Variants in CAMK4 observed in about 807,000 individuals in gnomAD.
The protein encoded by CAMK4 is calcium/calmodulin-dependent protein kinase type IV.
CAMK4 carries 22 observed loss-of-function variants against 44.9 expected under a neutral mutation model. That is an observed-to-expected ratio of 0.49 (90% confidence interval 0.35 to 0.70). The LOEUF is 0.70. CAMK4 is among the 30% of genes least tolerant of loss of function. The pLI, the probability that CAMK4 is intolerant of heterozygous loss-of-function variation, is 0.01. For synonymous variants in CAMK4, 218 were observed against 215.4 expected, an observed-to-expected ratio of 1.01 and a Z score of -0.11; for missense variants, 498 against 586.8, an observed-to-expected ratio of 0.85 and a Z score of 1.56.
chr5:111,494,304 C>G lies in CAMK4; in HGVS notation c.*9838C>G, dbSNP rs759123198. On this transcript the variant is annotated 3_prime_UTR_variant, in exon 11 of 11. Transcript: ENST00000282356. ...AATTTGAAGAGCACTGAAAATGGAGCTGTGAACACTTCATTTTTAAAACCT... is the reference window on the plus strand; with the variant it reads ...AATTTGAAGAGCACTGAAAATGGAGGTGTGAACACTTCATTTTTAAAACCT... 7.2e-5 allele frequency: 11 copies of G among 152,174 alleles called. No homozygotes were observed. Among genetic ancestry groups the G allele is most frequent in the Non-Finnish European group, 1.3e-4 (9 of 68,020 alleles). The allele number at this position is 152,174 out of a possible 1,614,324, so 9.4% of individuals were successfully genotyped here. A position where few individuals can be genotyped will look rare whatever the true frequency, so the allele number is the denominator to read the frequency against.
intron 5 of CAMK4, among the ~76,000 whole-genome samples, chr5:111,422,574 G>A (rs148437682): frequency 4.6e-4 from 70 of 152,238 alleles, no homozygotes; most frequent in African/African-American, 1.7e-3. Context: ...AGTCTTGTGG[G>A]ATTTTGATAA....
At chr5:111,266,899 GC>G (rs1750271528) in intron 1 of CAMK4, among the ~76,000 whole-genome samples, 1 of 152,212 alleles carries the variant, frequency 6.6e-6, no homozygotes, top group Non-Finnish European at 1.5e-5. Context: ...TGGTTTCTAT[GC>G]TATAACAGCC....
At chr5:111,395,752 AG>A (rs557685894) in intron 5 of CAMK4, among the ~76,000 whole-genome samples, 11 of 152,178 alleles carry the variant, frequency 7.2e-5, no homozygotes, top group Non-Finnish European at 1.6e-4. Flanking sequence ...ACTGACTAAA[AG>A]CTTCCCATGT....
chr5:111,435,403 T>G (rs1026371656), intron 5 of CAMK4, among the ~76,000 whole-genome samples: 1 of 152,144 alleles, frequency 6.6e-6, no homozygotes, highest in Non-Finnish European at 1.5e-5. Flanking sequence ...AAGTATATAC[T>G]GTCATCTAAA....
chr5:111,312,963 A>G (rs1002503096), intron 1 of CAMK4, among the ~76,000 whole-genome samples: 1 of 152,110 alleles, frequency 6.6e-6, no homozygotes, highest in African/African-American at 2.4e-5. Context: ...TTAACTTAAA[A>G]CAACTTTAAC....
At chr5:111,404,128 A>G (rs1441145947) in intron 5 of CAMK4, among the ~76,000 whole-genome samples, 3 of 152,220 alleles carry the variant, frequency 2.0e-5, no homozygotes, top group Non-Finnish European at 2.9e-5. Context: ...TTGGCTAAGC[A>G]TACATATTTA....
chr5:111,383,935 A>C (rs1479349298), intron 4 of CAMK4, among the ~76,000 whole-genome samples: 4 of 152,202 alleles, frequency 2.6e-5, no homozygotes, highest in Non-Finnish European at 5.9e-5. Flanking sequence ...TGACTTTATA[A>C]GGAATTTCCA....
At position 111,354,030 on chromosome 5, in the gene CAMK4, C is replaced by G. The variant is rs558754115; in HGVS notation, c.240+9928C>G. ...ACTGCTATTTCATTATAGCGTTATTCACAACAGCTAAGATGAGGAAACAGC... is the reference window on the plus strand; with the variant it reads ...ACTGCTATTTCATTATAGCGTTATTGACAACAGCTAAGATGAGGAAACAGC... On this transcript the variant is annotated intron_variant, in intron 2 of 10. Coordinates refer to ENST00000282356, the MANE Select transcript of CAMK4 (RefSeq NM_001744.6). Among the ~76,000 whole-genome samples the G allele has an allele frequency of 2.6e-5, 4 of 152,110 alleles. No individual in the cohort carries two copies. In the South Asian group the frequency reaches 6.2e-4, roughly 24 times the overall value.
chr5:111,337,793 C>G (rs1749471070), intron 1 of CAMK4, among the ~76,000 whole-genome samples: 1 of 151,058 alleles, frequency 6.6e-6, no homozygotes, highest in African/African-American at 2.4e-5. Context: ...CAAATTAGTA[C>G]TAAAGTTGCA....
intron 4 of CAMK4, among the ~76,000 whole-genome samples, chr5:111,381,217 A>T (rs1751399112): frequency 6.6e-6 from 1 of 152,152 alleles, no homozygotes; most frequent in South Asian, 2.1e-4. Context: ...AAGGATCTGT[A>T]AAGGGACAGA....
intron 1 of CAMK4, among the ~76,000 whole-genome samples, chr5:111,330,133 T>G (rs1749101166): frequency 7.2e-6 from 1 of 138,562 alleles, no homozygotes; most frequent in African/African-American, 2.6e-5. Context: ...TCTAGAAGAC[T>G]AGTAAGTTAA....
chr5:111,393,491 A>C (rs1751884952), intron 4 of CAMK4, among the ~76,000 whole-genome samples: 1 of 152,106 alleles, frequency 6.6e-6, no homozygotes, highest in South Asian at 2.1e-4. Context: ...TGGGGTCTTG[A>C]TTAGGTTCAG....
chr5:111,366,061 G>A (rs575137971), intron 2 of CAMK4, among the ~76,000 whole-genome samples: 2 of 152,094 alleles, frequency 1.3e-5, no homozygotes, highest in Non-Finnish European at 2.9e-5. Flanking sequence ...CAGAAGTTAT[G>A]CATAGGGAAT....
chr5:111,256,663 A>G (rs539264542), intron 1 of CAMK4, among the ~76,000 whole-genome samples: 1 of 152,340 alleles, frequency 6.6e-6, no homozygotes, highest in African/African-American at 2.4e-5. Context: ...ATTGACTCTC[A>G]GAGCTAGAAA....
intron 1 of CAMK4, among the ~76,000 whole-genome samples, chr5:111,309,045 A>G (rs1056078678): frequency 2.0e-5 from 3 of 152,208 alleles, no homozygotes; most frequent in Non-Finnish European, 2.9e-5. Flanking sequence ...AGTGAATAAG[A>G]CATGGTTCTT....
intron 6 of CAMK4, 79 bp downstream of exon 6, chr5:111,446,855 G>A (rs1466751734): frequency 3.7e-6 from 3 of 821,190 alleles, no homozygotes. Context: ...TTTAAATATT[G>A]CTCCATCCAG....
intron 1 of CAMK4, among the ~76,000 whole-genome samples, chr5:111,312,491 C>T (rs1422433213): frequency 6.6e-6 from 1 of 152,084 alleles, no homozygotes; most frequent in Non-Finnish European, 1.5e-5. Context: ...TAGTAGGTGT[C>T]AGTTATTATT....
intron 7 of CAMK4, among the ~76,000 whole-genome samples, chr5:111,467,518 A>G (rs577278450): frequency 1.6e-4 from 24 of 152,218 alleles, no homozygotes; most frequent in African/African-American, 5.1e-4. Context: ...AAAACAAACA[A>G]TCCCATCAAA....
intron 5 of CAMK4, among the ~76,000 whole-genome samples, chr5:111,415,865 T>G (rs1404998564): frequency 1.3e-5 from 2 of 152,208 alleles, no homozygotes; most frequent in African/African-American, 4.8e-5. Context: ...CAATGCAGTA[T>G]AACAACTATT....
Sources: gnomAD v4.1 joint callset for allele counts (sites outside exome capture counted in the v4.1 genomes callset) on GRCh38, gnomAD v4.1.1 for gene constraint, MANE v1.5 for transcripts, NCBI Gene and HGNC (gene_info 2026-07-23, HGNC 2026-07-21) for gene names.